Variants in PRP4K observed in about 807,000 individuals in gnomAD.
PRP4K encodes the protein serine/threonine-protein kinase PRP4 homolog.
At chr6:4,021,325 C>G in the PRP4K span, 1 of 1,485,772 alleles carries the variant, frequency 6.7e-7, no homozygotes, top group Non-Finnish European at 9.2e-7. Context: ...CCTACACGGT[C>G]GGCACATGCG....
chr6:4,026,775 A>G, the PRP4K span, among the ~76,000 whole-genome samples: 1 of 152,220 alleles, frequency 6.6e-6, no homozygotes, highest in Non-Finnish European at 1.5e-5. Flanking sequence ...AGTGGTAACA[A>G]TTGCTTTGGA....
chr6:4,030,056 C>T, the PRP4K span, among the ~76,000 whole-genome samples: 2 of 152,044 alleles, frequency 1.3e-5, no homozygotes, highest in African/African-American at 2.4e-5. Context: ...GATTCTCCTG[C>T]CTCAGCCTCC....
the PRP4K span, among the ~76,000 whole-genome samples, chr6:4,048,378 C>CAAAAA: frequency 1.0e-5 from 1 of 98,934 alleles, no homozygotes; most frequent in Non-Finnish European, 2.0e-5. Flanking sequence ...GACTCCGTCT[C>CAAAAA]AAAAAAAAAA....
chr6:4,027,934 G>A, the PRP4K span, among the ~76,000 whole-genome samples: 12 of 152,032 alleles, frequency 7.9e-5, 1 homozygote, highest in South Asian at 2.1e-3. Flanking sequence ...GATTTTATAC[G>A]CCTAAAGATC....
chr6:4,043,844 T>C, the PRP4K span: 2 of 1,614,172 alleles, frequency 1.2e-6, no homozygotes, highest in African/African-American at 1.3e-5. Flanking sequence ...GATAGCAACA[T>C]GTCTGTGCCA....
chr6:4,023,891 G>A, the PRP4K span, among the ~76,000 whole-genome samples: 4 of 144,974 alleles, frequency 2.8e-5, no homozygotes, highest in African/African-American at 1.0e-4. Flanking sequence ...TTTTTGAGAC[G>A]GAGTTTCACT....
At chr6:4,035,229 GCCTC>G in the PRP4K span, among the ~76,000 whole-genome samples, 1 of 144,598 alleles carries the variant, frequency 6.9e-6, no homozygotes. Flanking sequence ...CAATTCTCCT[GCCTC>G]AGCTTCCCCG....
the PRP4K span, among the ~76,000 whole-genome samples, chr6:4,052,448 A>G: frequency 6.6e-6 from 1 of 152,232 alleles, no homozygotes; most frequent in Non-Finnish European, 1.5e-5. Flanking sequence ...ATGTGAATCT[A>G]TTCTAAAATC....
the PRP4K span, among the ~76,000 whole-genome samples, chr6:4,048,410 G>A: frequency 1.4e-4 from 21 of 151,084 alleles, no homozygotes; most frequent in East Asian, 4.1e-3. Context: ...ATAATCAGGA[G>A]TACCATATAT....
the PRP4K span, among the ~76,000 whole-genome samples, chr6:4,026,680 CAGAGAT>C: frequency 6.6e-6 from 1 of 152,134 alleles, no homozygotes; most frequent in Non-Finnish European, 1.5e-5. Flanking sequence ...TCTAGGCCCT[CAGAGAT>C]AGAGCAGTGA....
At chr6:4,048,113 T>G in the PRP4K span, among the ~76,000 whole-genome samples, 124 of 152,212 alleles carry the variant, frequency 8.1e-4, 1 homozygote, top group Non-Finnish European at 1.6e-3. Context: ...GCACGGTGGC[T>G]CACGCCTGTA....
At chr6:4,040,103 C>G in the PRP4K span, among the ~76,000 whole-genome samples, 2 of 151,664 alleles carry the variant, frequency 1.3e-5, no homozygotes, top group African/African-American at 4.8e-5. Context: ...CCAGGCTGGT[C>G]TCAAACTCCC....
the PRP4K span, chr6:4,050,574 CAG>C: frequency 1.2e-5 from 2 of 166,216 alleles, no homozygotes; most frequent in African/African-American, 2.4e-5. Context: ...GAAAATTTAT[CAG>C]AGTGATGAGA....
chr6:4,052,966 A>G, the PRP4K span: 1 of 1,202,614 alleles, frequency 8.3e-7, no homozygotes, highest in Middle Eastern at 2.0e-4. Context: ...ACGACATCTT[A>G]GAAGCATAGT....
At chr6:4,032,763 G>A in the PRP4K span, 26 of 1,550,910 alleles carry the variant, frequency 1.7e-5, no homozygotes, top group Non-Finnish European at 2.2e-5. Flanking sequence ...AAGGTAACTT[G>A]TGTACAAAAT....
At chr6:4,051,578 A>G in the PRP4K span, among the ~76,000 whole-genome samples, 4 of 152,132 alleles carry the variant, frequency 2.6e-5, no homozygotes, top group Non-Finnish European at 5.9e-5. Flanking sequence ...CTGCCTCCCA[A>G]AATTCTGGGA....
the PRP4K span, among the ~76,000 whole-genome samples, chr6:4,056,059 G>A: frequency 2.0e-5 from 3 of 151,170 alleles, no homozygotes; most frequent in Non-Finnish European, 4.4e-5. Flanking sequence ...TTTTAAAAAT[G>A]CAGTTGTTAA....
chr6:4,053,993 T>A, the PRP4K span, among the ~76,000 whole-genome samples: 1 of 152,084 alleles, frequency 6.6e-6, no homozygotes, highest in Non-Finnish European at 1.5e-5. Flanking sequence ...CACTGTAACC[T>A]CCAACTCCTA....
chr6:4,028,851 C>T, the PRP4K span, among the ~76,000 whole-genome samples: 1 of 152,038 alleles, frequency 6.6e-6, no homozygotes, highest in African/African-American at 2.4e-5. Flanking sequence ...CCCACCCCTT[C>T]TCCCAGCAAG....
Sources: allele counts gnomAD v4.1 joint callset (sites outside exome capture counted in the v4.1 genomes callset), GRCh38; gene constraint gnomAD v4.1.1; transcripts MANE v1.5; gene names NCBI Gene and HGNC (gene_info 2026-07-23, HGNC 2026-07-21).